The following CERCAM variants were observed in gnomAD, a reference collection of about 807,000 sequenced individuals.
CERCAM encodes inactive glycosyltransferase 25 family member 3.
A neutral mutation model predicts 66.0 loss-of-function variants in CERCAM; 59 were observed. That is an observed-to-expected ratio of 0.89 (90% CI 0.73 to 1.11). CERCAM has a LOEUF of 1.11. Among genes scored for constraint, CERCAM ranks in the 50% most tolerant of loss-of-function variants. The probability of loss-of-function intolerance (pLI) is 0.00; values close to 1 mark genes in which losing one functional copy is unlikely to be tolerated. For synonymous variants in CERCAM, 318 were observed against 343.6 expected (o/e 0.93, Z 0.83); for missense variants, 840 against 828.3 (o/e 1.01, Z -0.17).
Position 128,428,821 on chromosome 9 carries a change from A to C in CERCAM, c.951A>C (p.Ile317=). ...GGCCCTCTAAGAGGCCCAGCAAGAT[A>C]GGGTTTGACGAGGTAAGTCCCCCAG... ...VTRPSKRPSK[I]GFDEVFVISL... Residue 317 remains isoleucine, a synonymous_variant, in exon 7 of 13, where the codon ATA becomes ATC. Transcript: ENST00000372838. 1 of 1,613,912 alleles carries C rather than the reference A, an allele frequency of 6.2e-7. No individual in the cohort carries two copies. Among genetic ancestry groups the C allele is most frequent in the Non-Finnish European group, 8.5e-7 (1 of 1,179,958 alleles).
Position 128,434,713 on chromosome 9 carries a change from A to G in CERCAM, c.1535+100A>G. The G allele has an allele frequency of 8.0e-7, 1 of 1,243,992 alleles. No individual in the cohort carries two copies. Among genetic ancestry groups the G allele is most frequent in the Non-Finnish European group, 1.1e-6 (1 of 897,394 alleles). The allele number at this position is 1,243,992 out of a possible 1,614,324, so 77.1% of individuals were successfully genotyped here. ...GTCCCCTCACCTGGCAGATGGGGAG[A>G]CTGGGACTGGCAAGGCCAAGCCACT... On this transcript the variant is annotated intron_variant, in intron 11 of 12. Coordinates refer to ENST00000372838, the MANE Select transcript of CERCAM (RefSeq NM_016174.5). The surrounding 1 kb of genome is among the most constrained non-coding windows in gnomAD (Gnocchi z 4.5).
intron 8 of CERCAM, among the ~76,000 whole-genome samples, 174 bp downstream of exon 8, chr9:128,429,210 G>A (rs1833920332): frequency 6.6e-6 from 1 of 152,152 alleles, no homozygotes. Flanking sequence ...GACACACGTG[G>A]GAGAAGATGC....
Position 128,434,722 on chromosome 9 carries a change from G to A in CERCAM, c.1535+109G>A. 1 of 1,163,800 alleles carries A rather than the reference G, an allele frequency of 8.6e-7. No homozygotes were observed. The highest frequency in any genetic ancestry group is 1.2e-6 in the Non-Finnish European group (1 of 828,896). The allele number at this position is 1,163,800 out of a possible 1,614,324, so 72.1% of individuals were successfully genotyped here. ...CCTGGCAGATGGGGAGACTGGGACT[G>A]GCAAGGCCAAGCCACTTGGCCCAGG... On this transcript the variant is annotated intron_variant, in intron 11 of 12. Coordinates refer to ENST00000372838, the MANE Select transcript of CERCAM (RefSeq NM_016174.5). This position sits in a 1 kb window ranked among gnomAD's most constrained non-coding sequence, Gnocchi z 4.5.
At chr9:128,428,691 G>A (rs1332369457) in intron 6 of CERCAM, 66 bp from the exon 7 acceptor site, 3 of 1,552,858 alleles carry the variant, frequency 1.9e-6, no homozygotes, top group East Asian at 2.2e-5. Flanking sequence ...TGGGGGCTAG[G>A]ACTTCAGGGT....
In CERCAM at chr9:128,424,418, C is replaced by A; in HGVS notation, c.570C>A (p.Tyr190Ter). 1 of 1,614,046 alleles carries A rather than the reference C, an allele frequency of 6.2e-7. No homozygotes were observed. ...GCATCCCTTTTCCCCAGGGCTACTA[C>A]CGCCGCACAGCCGAGTACTTCCCCA... ...FWCGITPQGY[Y>*]RRTAEYFPTK... Residue 190 changes from tyrosine (Y) to a stop codon, truncating the protein, a stop_gained, in exon 5 of 13, where the codon TAC becomes TAA. Transcript: ENST00000372838. LOFTEE classifies it high-confidence loss of function.
intron 1 of CERCAM, chr9:128,421,994 GC>G (rs1487018749): frequency 6.6e-6 from 1 of 152,306 alleles, no homozygotes; most frequent in Admixed American, 6.5e-5. Flanking sequence ...TGTTATGGGG[GC>G]CCCTTCCCCA....
At position 128,437,155 on chromosome 9, in the gene CERCAM, C is replaced by T. The variant is rs1321337369; in HGVS notation, c.*307C>T. On this transcript the variant is annotated 3_prime_UTR_variant, in exon 13 of 13. Coordinates refer to ENST00000372838, the MANE Select transcript of CERCAM (RefSeq NM_016174.5). Reference sequence around the variant, plus strand: ...GCAGACCCCAGGATCCCTTCCCTCCCTAAGGACTCAGCTGAGGGGCCCCTC... The same window carrying T: ...GCAGACCCCAGGATCCCTTCCCTCCTTAAGGACTCAGCTGAGGGGCCCCTC... 1.3e-5 allele frequency: 2 copies of T among 152,546 alleles called. No homozygotes were observed. Among genetic ancestry groups the T allele is most frequent in the East Asian group, 3.9e-4 (2 of 5,170 alleles). The allele number at this position is 152,546 out of a possible 1,614,324, so 9.4% of individuals were successfully genotyped here.
chr9:128,434,650 A>G lies in CERCAM; in HGVS notation c.1535+37A>G, dbSNP rs758303646. On this transcript the variant is annotated intron_variant, in intron 11 of 12. Transcript: ENST00000372838. This position sits in a 1 kb window ranked among gnomAD's most constrained non-coding sequence, Gnocchi z 4.5. ...ATGGGGGCCGGGCATGGCAGGGCAG[A>G]GGCGTCCCCTCCAGGAACTCACCTC... 1.9e-6 allele frequency: 3 copies of G among 1,580,220 alleles called. No homozygotes were observed. Among genetic ancestry groups the G allele is most frequent in the Non-Finnish European group, 8.6e-7 (1 of 1,163,630 alleles).
At chr9:128,432,950 G>A (rs1416076085) in intron 9 of CERCAM, among the ~76,000 whole-genome samples, 25 of 151,502 alleles carry the variant, frequency 1.7e-4, no homozygotes, top group Non-Finnish European at 5.9e-5. Context: ...CCTGGCCAAC[G>A]TGGTGAAACC....
chr9:128,428,519 C>T, intron 6 of CERCAM, 98 bp downstream of exon 6: 1 of 1,449,754 alleles, frequency 6.9e-7, no homozygotes, highest in Non-Finnish European at 9.4e-7. Flanking sequence ...GGGCATTGGC[C>T]TTGGGGTTCC....
Position 128,429,050 on chromosome 9 carries a change from G to C in CERCAM, c.1070+14G>C. ...TGTGGATGGCTGGTGAGCCTGCCTG[G>C]TGGGGGGGGCCCTGTGCGCTTGGGG... On this transcript the variant is annotated intron_variant, in intron 8 of 12. Transcript: ENST00000372838. 1 of 1,577,138 alleles carries C rather than the reference G, an allele frequency of 6.3e-7. No homozygotes were observed. The highest frequency in any genetic ancestry group is 1.2e-5 in the South Asian group (1 of 86,386).
At position 128,421,215 on chromosome 9, in the gene CERCAM, A is replaced by C. The variant is rs979629355; in HGVS notation, c.197+141A>C. The C allele has an allele frequency of 4.0e-6, 5 of 1,235,330 alleles. No individual in the cohort carries two copies. In the African/African-American group the frequency reaches 7.8e-5, roughly 19 times the overall value. The allele number at this position is 1,235,330 out of a possible 1,614,324, so 76.5% of individuals were successfully genotyped here. Reference sequence around the variant, plus strand: ...CCCTCCCCTCACAGACGGCCCTGCCAGCCCGAGCCGCCAGAGAGGACCCCG... The same window carrying C: ...CCCTCCCCTCACAGACGGCCCTGCCCGCCCGAGCCGCCAGAGAGGACCCCG... On this transcript the variant is annotated intron_variant, in intron 1 of 12. Transcript: ENST00000372838.
intron 1 of CERCAM, chr9:128,421,561 C>T (rs910091800): frequency 2.0e-6 from 2 of 978,824 alleles, no homozygotes; most frequent in African/African-American, 3.5e-5. Flanking sequence ...GGGAGTCAGA[C>T]CGGCCCCCCC....
chr9:128,432,961 C>G (rs1834009460), intron 9 of CERCAM, among the ~76,000 whole-genome samples: 1 of 151,910 alleles, frequency 6.6e-6, no homozygotes, highest in Non-Finnish European at 1.5e-5. Flanking sequence ...TGGTGAAACC[C>G]CGTCTCTACT....
At chr9:128,433,434 C>T (rs1280035772) in intron 9 of CERCAM, among the ~76,000 whole-genome samples, 1 of 152,106 alleles carries the variant, frequency 6.6e-6, no homozygotes, top group African/African-American at 2.4e-5. Flanking sequence ...CAAGCCACTT[C>T]CCCGCCCCCA....
chr9:128,436,346 C>T lies in CERCAM; in HGVS notation c.*441C>T, dbSNP rs184106054. On this transcript the variant is annotated intron_variant, in intron 12 of 12. Coordinates refer to ENST00000372838, the MANE Select transcript of CERCAM (RefSeq NM_016174.5). ...ACCTCTGCCTCCCGCGTCCCGGATT[C>T]AAGCGATTCTCCTGTCTCAGCCTCC... is the stretch of plus-strand genomic sequence containing the variant. Among the ~76,000 whole-genome samples, 9 of 152,300 alleles carry T rather than the reference C, an allele frequency of 5.9e-5. No homozygotes were observed. The East Asian group carries it at 1.7e-3, about 29-fold the overall frequency.
At chr9:128,423,635 A>T (rs1833766844) in intron 3 of CERCAM, among the ~76,000 whole-genome samples, 1 of 151,012 alleles carries the variant, frequency 6.6e-6, no homozygotes, top group Admixed American at 6.6e-5. Flanking sequence ...AAAAAAAAAG[A>T]AAAAGAAATC....
rs528540106 is a variant in CERCAM at position 128,436,860 on chromosome 9, G to A, written c.*12G>A. On this transcript the variant is annotated 3_prime_UTR_variant, in exon 13 of 13. Transcript: ENST00000372838. ...TCCTGTCCCACCAGGTCCAGGTGAT[G>A]ACTGCAAAGCAGTGTCCAGGAGCAG... The A allele has an allele frequency of 6.6e-6, 1 of 152,446 alleles. No homozygotes were observed. Among genetic ancestry groups the A allele is most frequent in the East Asian group, 1.9e-4 (1 of 5,190 alleles). 9.4% of individuals were successfully genotyped at this position (152,446 alleles called of 1,614,324 possible). A position where few individuals can be genotyped will look rare whatever the true frequency, so the allele number is the denominator to read the frequency against.
At chr9:128,422,778 C>T (rs1406636145) in intron 1 of CERCAM, 90 bp from the exon 2 acceptor site, 21 of 1,447,970 alleles carry the variant, frequency 1.5e-5, no homozygotes, top group Non-Finnish European at 2.0e-5. Context: ...AGAGCTCGAC[C>T]TCAAAGGTGT....
Sources: allele counts gnomAD v4.1 joint callset (sites outside exome capture counted in the v4.1 genomes callset), GRCh38; gene constraint gnomAD v4.1.1; non-coding constraint Gnocchi (gnomAD v3.1); transcripts MANE v1.5; gene names NCBI Gene and HGNC (gene_info 2026-07-23, HGNC 2026-07-21).